The following PRPF40B variants were observed in gnomAD, a reference collection of about 807,000 sequenced individuals.
PRPF40B encodes the protein pre-mRNA processing factor 40B, also known as pre-mRNA-processing factor 40 homolog B.
A neutral mutation model predicts 124.5 loss-of-function variants in PRPF40B; 56 were observed. The observed-to-expected ratio is 0.45, with a 90% confidence interval of 0.36 to 0.56. The LOEUF is 0.56. Ranked by LOEUF, PRPF40B falls within the 20% of genes least tolerant of loss-of-function variation. The probability of loss-of-function intolerance (pLI) is 0.00; values close to 1 mark genes in which losing one functional copy is unlikely to be tolerated. For missense variants in PRPF40B, 1,053 were observed against 1,169.5 expected (o/e 0.90, Z 1.45); for synonymous variants, 443 against 426.4 (o/e 1.04, Z -0.48).
At chr12:49,638,982 T>C (rs1838229669) in intron 18 of PRPF40B, 1 of 152,228 alleles carries the variant, frequency 6.6e-6, no homozygotes, top group African/African-American at 2.4e-5. Flanking sequence ...TAATATAAAT[T>C]TAATATTTTA....
In PRPF40B at chr12:49,635,055, G is replaced by A. The variant is rs777854434; in HGVS notation, c.1002-44G>A. The A allele has an allele frequency of 5.0e-5, 79 of 1,566,290 alleles. No individual in the cohort carries two copies. The East Asian group carries it at 1.5e-3, about 29-fold the overall frequency. On this transcript the variant is annotated intron_variant, in intron 12 of 25. Transcript: ENST00000548825. The surrounding 1 kb of genome is among the most constrained non-coding windows in gnomAD (Gnocchi z 4.1). The stretch of plus-strand genomic sequence containing the variant: ...CAGTGTGGGCTGTGCAGAGTGGTTC[G>A]GGTGACTTCTCTATCCCCACCCCAC...
intron 1 of PRPF40B, among the ~76,000 whole-genome samples, chr12:49,626,309 G>T (rs750078355): frequency 1.5e-4 from 23 of 152,172 alleles, no homozygotes; most frequent in Non-Finnish European, 3.2e-4. Context: ...CTTGGGGGAG[G>T]TATAAAAGGA....
intron 18 of PRPF40B, chr12:49,639,989 G>T (rs903476285): frequency 6.6e-6 from 1 of 152,234 alleles, no homozygotes; most frequent in South Asian, 2.1e-4. Context: ...TGATAGGCCT[G>T]TAGGGGCCTA....
At chr12:49,623,702 C>A in intron 1 of PRPF40B, 109 bp downstream of exon 1, 2 of 981,332 alleles carry the variant, frequency 2.0e-6, no homozygotes, top group Non-Finnish European at 2.4e-6. Flanking sequence ...AGCTGGGACC[C>A]CGGGGAGGGC....
chr12:49,635,221 TCC>T lies in PRPF40B; in HGVS notation c.1125_1126del (p.Leu376GlyfsTer4). 6.2e-7 allele frequency: 1 copy of T among 1,614,002 alleles called. No homozygotes were observed. ...GAGGCCAAGCAGACCCTGCAGCATT[TCC>T]TGGAGCAGCATGAACGCATGACCTC... On this transcript the variant is annotated frameshift_variant, in exon 13 of 26. Coordinates refer to ENST00000548825, the MANE Select transcript of PRPF40B (RefSeq NM_001031698.3). LOFTEE classifies it high-confidence loss of function. This position sits in a 1 kb window ranked among gnomAD's most constrained non-coding sequence, Gnocchi z 4.1.
Position 49,633,000 on chromosome 12 carries a change from C to T in PRPF40B, c.349-14C>T, listed in dbSNP as rs747722193. 2 of 509,912 alleles carry T rather than the reference C, an allele frequency of 3.9e-6. No individual in the cohort carries two copies. The highest frequency in any genetic ancestry group is 7.6e-6 in the Non-Finnish European group (2 of 264,294). 31.6% of individuals were successfully genotyped at this position (509,912 alleles called of 1,614,324 possible). A position where few individuals can be genotyped will look rare whatever the true frequency, so the allele number is the denominator to read the frequency against. On this transcript the variant is annotated splice_polypyrimidine_tract_variant and intron_variant, in intron 6 of 25. Coordinates refer to ENST00000548825, the MANE Select transcript of PRPF40B (RefSeq NM_001031698.3). ...GGGCCTTGACCACCATTCTGTGCCC[C>T]CCCCCCCACCCAGAGGGCCCTATGG...
At chr12:49,639,008 G>C (rs2138582731) in intron 18 of PRPF40B, 1 of 152,228 alleles carries the variant, frequency 6.6e-6, no homozygotes, top group South Asian at 2.1e-4. Flanking sequence ...CTTACCATTA[G>C]GTAAGATGTA....
intron 1 of PRPF40B, among the ~76,000 whole-genome samples, chr12:49,626,714 G>A (rs191878458): frequency 6.9e-4 from 105 of 152,184 alleles, no homozygotes; most frequent in African/African-American, 2.4e-3. Flanking sequence ...ATCGGGAACC[G>A]GTAAGTTCTC....
intron 8 of PRPF40B, 43 bp downstream of exon 8, chr12:49,633,590 C>A (rs1432309359): frequency 2.5e-6 from 4 of 1,614,220 alleles, no homozygotes; most frequent in Non-Finnish European, 2.5e-6. Flanking sequence ...GCTCTGGGGG[C>A]TCCCTATTGC....
intron 18 of PRPF40B, chr12:49,641,354 T>C (rs1942623844): frequency 6.5e-6 from 1 of 152,686 alleles, no homozygotes; most frequent in East Asian, 1.9e-4. Context: ...CCCAGCCGTA[T>C]ATCAGCTGTG....
intron 16 of PRPF40B, 174 bp from the exon 17 acceptor site, chr12:49,637,292 CTCTT>C (rs1455326255): frequency 1.8e-5 from 11 of 602,844 alleles, no homozygotes; most frequent in Non-Finnish European, 3.0e-5. Flanking sequence ...TTTACTTTCT[CTCTT>C]TTTGCATTGT....
Position 49,644,194 on chromosome 12 carries a change from C to T in PRPF40B, c.*2C>T. Reference sequence around the variant, plus strand: ...CAGCAGCTGGATGATCACCAGTGACCCAATGAGCTGTTCTCTGCCTCGGGT... The same window carrying T: ...CAGCAGCTGGATGATCACCAGTGACTCAATGAGCTGTTCTCTGCCTCGGGT... On this transcript the variant is annotated 3_prime_UTR_variant, in exon 26 of 26. Transcript: ENST00000548825. 6.2e-7 allele frequency: 1 copy of T among 1,614,008 alleles called. No homozygotes were observed. The highest frequency in any genetic ancestry group is 8.5e-7 in the Non-Finnish European group (1 of 1,179,998).
In PRPF40B at chr12:49,644,220, CTG is replaced by C. The variant is rs1234717489; in HGVS notation, c.*33_*34del. ...CAATGAGCTGTTCTCTGCCTCGGGT[CTG>C]TGTGAGGCCATGGCTCCTGGGCCAC... On this transcript the variant is annotated 3_prime_UTR_variant, in exon 26 of 26. Coordinates refer to ENST00000548825, the MANE Select transcript of PRPF40B (RefSeq NM_001031698.3). 6.2e-7 allele frequency: 1 copy of C among 1,611,496 alleles called. No homozygotes were observed. Among genetic ancestry groups the C allele is most frequent in the African/African-American group, 1.3e-5 (1 of 74,878 alleles).
In PRPF40B at chr12:49,633,972, C is replaced by T. The variant is rs144272988; in HGVS notation, c.692C>T (p.Thr231Ile). 77 of 1,614,088 alleles carry T rather than the reference C, an allele frequency of 4.8e-5. No individual in the cohort carries two copies. The highest frequency in any genetic ancestry group is 5.8e-5 in the Non-Finnish European group (69 of 1,180,028). ...CCCCCACCTGTGCCTCCTGGCCCCA[C>T]CCCAGTGCCCACAGGCCTCCTGGAA... ...PDPPPVPPGP[T>I]PVPTGLLEPE... The change falls in exon 10 of 26, where the codon ACC (threonine) becomes ATC (isoleucine). Residue 231 changes from threonine (T) to isoleucine (I), a missense_variant. By Grantham distance (89) the Thr-to-Ile change is moderately conservative. Around this residue, in one of 2 missense-constraint regions of PRPF40B, gnomAD observed 895 missense variants for 1,052.2 expected, o/e 0.85. Transcript: ENST00000548825.
At chr12:49,643,072 A>C (rs1157592461) in intron 22 of PRPF40B, 56 bp downstream of exon 22, 1 of 1,601,294 alleles carries the variant, frequency 6.2e-7, no homozygotes, top group African/African-American at 1.3e-5. Flanking sequence ...TGGGGAAATA[A>C]ACACTTTGTT....
rs1440695523 is a variant in PRPF40B, at chr12:49,643,360, A to T, written c.2343A>T (p.Gly781=). Residue 781 remains glycine, a synonymous_variant, in exon 23 of 26, where the codon GGA becomes GGT. Transcript: ENST00000548825. ...TTGAAAGTGGGGGTGCTGCCCTTGG[A>T]GGACGGGGCTCCCCTTCCTCCCATC... ...DSVESGGAAL[G]GRGSPSSHLL... is the part of the protein sequence containing the mutation. 1.3e-6 allele frequency: 2 copies of T among 1,587,310 alleles called. No homozygotes were observed.
At chr12:49,627,589 C>G (rs1940839916) in intron 1 of PRPF40B, among the ~76,000 whole-genome samples, 1 of 152,080 alleles carries the variant, frequency 6.6e-6, no homozygotes, top group Non-Finnish European at 1.5e-5. Context: ...AGGAGCTCAG[C>G]ATGGGGGAGA....
chr12:49,631,852 A>G lies in PRPF40B; in HGVS notation c.229-8A>G. ...GGTGGTTGGTTTCTGTCTTCTTTGT[A>G]TCCATAGATACCAGGAATGGTACCT... On this transcript the variant is annotated splice_region_variant and splice_polypyrimidine_tract_variant and intron_variant, in intron 3 of 25. Transcript: ENST00000548825. This position sits in a 1 kb window ranked among gnomAD's most constrained non-coding sequence, Gnocchi z 4.3. 1 of 1,613,586 alleles carries G rather than the reference A, an allele frequency of 6.2e-7. No homozygotes were observed. Among genetic ancestry groups the G allele is most frequent in the African/African-American group, 1.3e-5 (1 of 74,988 alleles).
At chr12:49,637,133 G>A (rs926496012) in intron 16 of PRPF40B, 5 of 579,826 alleles carry the variant, frequency 8.6e-6, no homozygotes, top group Non-Finnish European at 1.2e-5. Flanking sequence ...ATTTCCCTTG[G>A]TGGGGCACCC....
Sources: allele counts gnomAD v4.1 joint callset (sites outside exome capture counted in the v4.1 genomes callset), GRCh38; gene constraint gnomAD v4.1.1; regional missense constraint gnomAD v4.1.1; non-coding constraint Gnocchi (gnomAD v3.1); transcripts MANE v1.5; gene names NCBI Gene and HGNC (gene_info 2026-07-23, HGNC 2026-07-21).